The following GALNT10 variants were observed in gnomAD, a reference collection of about 807,000 sequenced individuals.
The protein encoded by GALNT10 is polypeptide N-acetylgalactosaminyltransferase 10.
GALNT10 carries 41 observed loss-of-function variants against 75.0 expected under a neutral mutation model. The ratio of observed to expected loss-of-function variants is 0.55; its 90% CI spans 0.43 to 0.71. The LOEUF (loss-of-function observed/expected upper bound fraction) is 0.71, where lower values mean the gene tolerates loss of function less well. Among genes scored for constraint, GALNT10 ranks in the 30% least tolerant of loss-of-function variants. The probability of loss-of-function intolerance (pLI) is 0.00; values close to 1 mark genes in which losing one functional copy is unlikely to be tolerated. For missense variants in GALNT10, 727 were observed against 818.5 expected (o/e 0.89, Z 1.36); for synonymous variants, 302 against 313.0 (o/e 0.96, Z 0.37).
chr5:154,351,469 T>C (rs563762095), intron 4 of GALNT10, among the ~76,000 whole-genome samples: 3 of 152,370 alleles, frequency 2.0e-5, no homozygotes, highest in Middle Eastern at 3.4e-3. Context: ...GTTTTACTGC[T>C]TGCTTTTATG....
At chr5:154,347,954 G>C (rs1755153414) in intron 4 of GALNT10, among the ~76,000 whole-genome samples, 2 of 152,156 alleles carry the variant, frequency 1.3e-5, no homozygotes, top group South Asian at 4.1e-4. Context: ...GTGGCTCAAG[G>C]CTCTCATTGA....
intron 1 of GALNT10, among the ~76,000 whole-genome samples, chr5:154,236,989 A>C (rs1422799529): frequency 6.6e-6 from 1 of 152,176 alleles, no homozygotes; most frequent in Non-Finnish European, 1.5e-5. Context: ...ATGTGTAGCT[A>C]AATACCAAAA....
intron 1 of GALNT10, among the ~76,000 whole-genome samples, chr5:154,262,895 G>T (rs558655408): frequency 2.6e-5 from 4 of 151,978 alleles, no homozygotes; most frequent in African/African-American, 9.7e-5. Flanking sequence ...CCAGATTAAA[G>T]AAAATGAAAG....
At position 154,256,038 on chromosome 5, in the gene GALNT10, AGAG is replaced by A. The variant is rs1035493797; in HGVS notation, c.160-38774_160-38772del. ...CTGCCTCTAGAGTGGGGAGGTTGAC[AGAG>A]GAGAAGCCTGGTTATGGCTCCCTGA... is the stretch of plus-strand genomic sequence containing the variant. On this transcript the variant is annotated intron_variant, in intron 1 of 11. Transcript: ENST00000297107. 1.7e-3 allele frequency among the ~76,000 whole-genome samples: 262 copies of A among 152,280 alleles called. 1 individual carries two copies. Among genetic ancestry groups the A allele is most frequent in the African/African-American group, 4.2e-3 (174 of 41,572 alleles).
chr5:154,374,889 A>C (rs1755630962), intron 4 of GALNT10, among the ~76,000 whole-genome samples: 1 of 152,186 alleles, frequency 6.6e-6, no homozygotes, highest in African/African-American at 2.4e-5. Flanking sequence ...TCTTACAACA[A>C]ATTCTTATTT....
chr5:154,385,232 A>G (rs1224883813), intron 6 of GALNT10, among the ~76,000 whole-genome samples: 1 of 152,190 alleles, frequency 6.6e-6, no homozygotes. Flanking sequence ...TTCACACAGC[A>G]AACGCTGGTT....
intron 1 of GALNT10, among the ~76,000 whole-genome samples, chr5:154,235,824 C>A (rs951081894): frequency 1.3e-5 from 2 of 152,146 alleles, no homozygotes; most frequent in African/African-American, 4.8e-5. Flanking sequence ...TGTAATCTCA[C>A]CGGTTGTCTT....
intron 1 of GALNT10, among the ~76,000 whole-genome samples, chr5:154,264,879 T>A (rs1262790924): frequency 1.3e-5 from 2 of 152,176 alleles, no homozygotes; most frequent in East Asian, 3.9e-4. Context: ...TACAGCCCAA[T>A]ACTGTGGGCT....
intron 3 of GALNT10, among the ~76,000 whole-genome samples, chr5:154,317,171 C>T (rs1754605463): frequency 6.6e-6 from 1 of 152,194 alleles, no homozygotes; most frequent in Admixed American, 6.5e-5. Context: ...AGCATTCTTG[C>T]TCCCTTAGGC....
intron 4 of GALNT10, among the ~76,000 whole-genome samples, chr5:154,375,989 G>T (rs1344535607): frequency 1.3e-5 from 2 of 152,224 alleles, no homozygotes; most frequent in African/African-American, 2.4e-5. Context: ...TGAGGGAATG[G>T]TTCCCAGTCA....
chr5:154,413,913 C>G (rs1471217389), intron 10 of GALNT10, among the ~76,000 whole-genome samples: 1 of 152,072 alleles, frequency 6.6e-6, no homozygotes, highest in Non-Finnish European at 1.5e-5. Flanking sequence ...GGACTTGTAT[C>G]TAGAATATAT....
At chr5:154,240,135 A>G (rs771978481) in intron 1 of GALNT10, among the ~76,000 whole-genome samples, 1 of 152,220 alleles carries the variant, frequency 6.6e-6, no homozygotes, top group Non-Finnish European at 1.5e-5. Flanking sequence ...TACACTTACC[A>G]TACATCAGGC....
At chr5:154,282,518 T>G (rs1247977210) in intron 1 of GALNT10, among the ~76,000 whole-genome samples, 1 of 152,204 alleles carries the variant, frequency 6.6e-6, no homozygotes, top group Non-Finnish European at 1.5e-5. Context: ...CTAGGGGATA[T>G]ACAGCAATTT....
intron 4 of GALNT10, among the ~76,000 whole-genome samples, chr5:154,370,167 G>A (rs1755545158): frequency 1.3e-5 from 2 of 152,234 alleles, no homozygotes; most frequent in Admixed American, 1.3e-4. Flanking sequence ...TGAAGTGAAG[G>A]TGTTGAACTG....
chr5:154,314,997 C>T (rs542940816), intron 3 of GALNT10, among the ~76,000 whole-genome samples: 2 of 151,916 alleles, frequency 1.3e-5, no homozygotes, highest in African/African-American at 2.4e-5. Flanking sequence ...CCTTGCAAAT[C>T]GTGTAGAACA....
In GALNT10 at chr5:154,330,527, G is replaced by C. The variant is rs1754839953; in HGVS notation, c.568+789G>C. On this transcript the variant is annotated intron_variant, in intron 4 of 11. Coordinates refer to ENST00000297107, the MANE Select transcript of GALNT10 (RefSeq NM_198321.4). ...TCATGTGGTGACCGAACCATGTCTG[G>C]CCCCAAGCATGTGATCTTAGCTACA... Among the ~76,000 whole-genome samples the C allele has an allele frequency of 2.0e-5, 3 of 152,238 alleles. No homozygotes were observed. In the South Asian group the frequency reaches 6.2e-4, roughly 32 times the overall value.
chr5:154,406,860 C>A (rs933974208), intron 8 of GALNT10, among the ~76,000 whole-genome samples: 1 of 152,090 alleles, frequency 6.6e-6, no homozygotes, highest in Admixed American at 6.6e-5. Context: ...GCATTGTCCC[C>A]TAGATGATCA....
At chr5:154,369,344 C>T (rs1755528102) in intron 4 of GALNT10, among the ~76,000 whole-genome samples, 1 of 152,124 alleles carries the variant, frequency 6.6e-6, no homozygotes, top group Non-Finnish European at 1.5e-5. Flanking sequence ...GCTGAGATGG[C>T]ACCACTACAC....
Position 154,352,184 on chromosome 5 carries a change from A to AC in GALNT10, c.568+22449dup, listed in dbSNP as rs1304101243. Among the ~76,000 whole-genome samples, 8 of 152,120 alleles carry AC rather than the reference A, an allele frequency of 5.3e-5. No individual in the cohort carries two copies. The highest frequency in any genetic ancestry group is 1.9e-4 in the African/African-American group (8 of 41,416). ...TTCCTGGCCTGACTCTGCACCCAGC[A>AC]CCCTGACCTGGGCCTCAGGGACTGT... On this transcript the variant is annotated intron_variant, in intron 4 of 11. Transcript: ENST00000297107. The surrounding 1 kb of genome is among the most constrained non-coding windows in gnomAD (Gnocchi z 4.4).
Sources: gnomAD v4.1 joint callset for allele counts (sites outside exome capture counted in the v4.1 genomes callset) on GRCh38, gnomAD v4.1.1 for gene constraint, Gnocchi (gnomAD v3.1) non-coding constraint, MANE v1.5 for transcripts, NCBI Gene and HGNC (gene_info 2026-07-23, HGNC 2026-07-21) for gene names.